Variants in AFF2 observed in about 807,000 individuals in gnomAD.
AFF2 encodes the protein AF4/FMR2 family member 2.
Under a neutral mutation model 76.9 loss-of-function variants are expected in AFF2, and 14 were observed. The ratio of observed to expected loss-of-function variants is 0.18; its 90% CI spans 0.12 to 0.28. The LOEUF is 0.28. Ranked by LOEUF, AFF2 falls within the 10% of genes least tolerant of loss-of-function variation. AFF2 has a pLI of 1.00. For missense variants in AFF2, 868 were observed against 1,001.1 expected (o/e 0.87, Z 1.79); for synonymous variants, 398 against 366.7 (o/e 1.09, Z -0.98).
chrX:148,870,406 A>G (rs895833142), intron 7 of AFF2, among the ~76,000 whole-genome samples: 7 of 112,498 alleles, frequency 6.2e-5, no homozygotes, highest in African/African-American at 2.3e-4. Flanking sequence ...AGCAGCTCTC[A>G]CATTCTTTGT....
intron 9 of AFF2, among the ~76,000 whole-genome samples, chrX:148,906,061 A>G (rs1470080824): frequency 8.9e-6 from 1 of 112,093 alleles, no homozygotes; most frequent in Admixed American, 9.4e-5. Flanking sequence ...TTGTCTTCTA[A>G]TTAAGTAAGA....
chrX:148,975,125 A>T (rs2072305484), intron 16 of AFF2, among the ~76,000 whole-genome samples: 1 of 112,247 alleles, frequency 8.9e-6, no homozygotes, highest in Non-Finnish European at 1.9e-5. Context: ...TATGCAGCTG[A>T]TGGGAATGGA....
At chrX:148,855,699 G>A (rs1557275841) in intron 7 of AFF2, among the ~76,000 whole-genome samples, 1 of 111,900 alleles carries the variant, frequency 8.9e-6, no homozygotes, top group African/African-American at 3.2e-5. Flanking sequence ...AGAACTTGAA[G>A]TGGACAGGCT....
At chrX:148,710,729 T>G (rs1383802779) in intron 3 of AFF2, among the ~76,000 whole-genome samples, 1 of 112,146 alleles carries the variant, frequency 8.9e-6, no homozygotes, top group Non-Finnish European at 1.9e-5. Context: ...ATTTGCACAA[T>G]GGGTTTATGT....
chrX:148,891,640 T>A (rs782085244), intron 8 of AFF2, among the ~76,000 whole-genome samples: 1 of 111,602 alleles, frequency 9.0e-6, no homozygotes, highest in South Asian at 3.8e-4. Context: ...AATGTCTAAT[T>A]GAGTGATATT....
chrX:148,694,981 A>G (rs781843088), intron 3 of AFF2, among the ~76,000 whole-genome samples: 1 of 109,072 alleles, frequency 9.2e-6, no homozygotes, highest in Non-Finnish European at 1.9e-5. Flanking sequence ...ATGCTCGGCT[A>G]ATTTTTTTGT....
At chrX:148,977,412 T>G (rs1603352066) in intron 16 of AFF2, among the ~76,000 whole-genome samples, 1 of 110,378 alleles carries the variant, frequency 9.1e-6, no homozygotes, top group Non-Finnish European at 1.9e-5. Context: ...AATAGGAATA[T>G]ATTCAAAACC....
At position 148,980,750 on chromosome X, in the gene AFF2, A is replaced by G. The variant is rs1673403725; in HGVS notation, c.3583A>G (p.Lys1195Glu). ...CTCTCTCTTTTAGCAAAATGCTTCA[A>G]AAGTCGCACAGATACCCTCTCCATG... ...LMEYFKQNASKVAQIPSPWVS... is the reference protein window; with the variant it reads ...LMEYFKQNASEVAQIPSPWVS... The change falls in exon 19 of 21, where the codon AAA (lysine) becomes GAA (glutamate). Residue 1195 changes from lysine (K) to glutamate (E), a missense_variant. Lys to Glu is a moderately conservative substitution (Grantham distance 56). Around this residue, in one of 6 missense-constraint regions of AFF2, gnomAD observed 46 missense variants for 40.8 expected, o/e 1.13. Transcript: ENST00000370460. 1 of 1,199,533 alleles carries G rather than the reference A, an allele frequency of 8.3e-7. No individual in the cohort carries two copies. The highest frequency in any genetic ancestry group is 1.1e-6 in the Non-Finnish European group (1 of 887,127).
At chrX:148,642,423 G>C (rs2054099476) in intron 1 of AFF2, among the ~76,000 whole-genome samples, 1 of 112,472 alleles carries the variant, frequency 8.9e-6, no homozygotes, top group Non-Finnish European at 1.9e-5. Context: ...CTTGCTTATA[G>C]CTAAATGAAA....
chrX:148,777,283 G>A (rs1179051700), intron 3 of AFF2, among the ~76,000 whole-genome samples: 1 of 111,827 alleles, frequency 8.9e-6, no homozygotes, highest in East Asian at 2.8e-4. Context: ...TTGAAGTCAG[G>A]TAGTGTGATG....
chrX:148,550,740 GA>G (rs1557238777), intron 1 of AFF2, among the ~76,000 whole-genome samples: 1 of 111,441 alleles, frequency 9.0e-6, no homozygotes, highest in Non-Finnish European at 1.9e-5. Flanking sequence ...AAAAAAACTA[GA>G]AGGAAATATA....
intron 20 of AFF2, among the ~76,000 whole-genome samples, chrX:148,989,800 A>C (rs994678386): frequency 8.9e-6 from 1 of 112,354 alleles, no homozygotes; most frequent in Admixed American, 9.4e-5. Flanking sequence ...GCAGCTGCAG[A>C]TGGCTTATTG....
chrX:148,749,947 C>CTTTA (rs56019532), intron 3 of AFF2, among the ~76,000 whole-genome samples: 14,134 of 101,659 alleles, frequency 0.14, 946 homozygotes, highest in Non-Finnish European at 0.17. Flanking sequence ...GGCCTGCACC[C>CTTTA]TTTATTTATT....
intron 3 of AFF2, among the ~76,000 whole-genome samples, chrX:148,764,654 G>A (rs1370436216): frequency 1.2e-4 from 14 of 112,045 alleles, no homozygotes; most frequent in African/African-American, 4.5e-4. Flanking sequence ...CTTTTCGTAC[G>A]TGTACTTACA....
At chrX:148,724,240 C>T (rs2055128946) in intron 3 of AFF2, among the ~76,000 whole-genome samples, 1 of 110,859 alleles carries the variant, frequency 9.0e-6, no homozygotes, top group Non-Finnish European at 1.9e-5. Context: ...CTGTGCCTCT[C>T]TCCTATGGCA....
chrX:148,622,420 C>A (rs2053878898), intron 1 of AFF2, among the ~76,000 whole-genome samples: 1 of 111,753 alleles, frequency 8.9e-6, no homozygotes, highest in Admixed American at 9.4e-5. Context: ...AACCTTAGCC[C>A]TTGCTTGTGA....
intron 1 of AFF2, among the ~76,000 whole-genome samples, chrX:148,532,242 G>T (rs1322560916): frequency 1.8e-5 from 2 of 112,087 alleles, no homozygotes; most frequent in African/African-American, 3.2e-5. Flanking sequence ...ACATTAATTT[G>T]TATAAATTAT....
In AFF2 at chrX:148,955,722, T is replaced by C. The variant is rs368960902; in HGVS notation, c.1677T>C (p.Pro559=). 2 of 1,209,738 alleles carry C rather than the reference T, an allele frequency of 1.7e-6. No homozygotes were observed. The highest frequency in any genetic ancestry group is 1.1e-6 in the Non-Finnish European group (1 of 895,206). The change falls in exon 11 of 21, where the codon CCT becomes CCC. Residue 559 remains proline (P), a synonymous_variant. Coordinates refer to ENST00000370460, the MANE Select transcript of AFF2 (RefSeq NM_002025.4). ...CACCCATGGAGACTATTTCTCTGCC[T>C]CCTCCAATCATCCAACCAATGGAAG... is the stretch of plus-strand genomic sequence containing the variant. ...NETPMETISL[P]PPIIQPMEVQ...
At position 148,902,960 on chromosome X, in the gene AFF2, T is replaced by C. The variant is rs182351020; in HGVS notation, c.1360-1261T>C. Among the ~76,000 whole-genome samples the C allele has an allele frequency of 7.2e-5, 8 of 111,468 alleles. No homozygotes were observed. The East Asian group carries it at 2.3e-3, about 31-fold the overall frequency. On this transcript the variant is annotated intron_variant, in intron 8 of 20. Coordinates refer to ENST00000370460, the MANE Select transcript of AFF2 (RefSeq NM_002025.4). ...TTGGAAGTGTTTTATTCAGTTGTTA[T>C]GCATAGAGGTCTTCAGTATGTTGAA...
Sources: gnomAD v4.1 joint callset for allele counts (sites outside exome capture counted in the v4.1 genomes callset) on GRCh38, gnomAD v4.1.1 for gene constraint, gnomAD v4.1.1 regional missense constraint, MANE v1.5 for transcripts, NCBI Gene and HGNC (gene_info 2026-07-23, HGNC 2026-07-21) for gene names.